Variants in XKR6 observed in about 807,000 individuals in gnomAD.
XKR6 encodes the protein XK-related protein 6.
Under a neutral mutation model 56.7 loss-of-function variants are expected in XKR6, and 22 were observed. That is an observed-to-expected ratio of 0.39 (90% CI 0.28 to 0.55). The LOEUF (loss-of-function observed/expected upper bound fraction) is 0.55. Among genes scored for constraint, XKR6 ranks in the 20% least tolerant of loss-of-function variants. The pLI is 0.66. For missense variants in XKR6, 852 were observed against 889.0 expected, an observed-to-expected ratio of 0.96 and a Z score of 0.53; for synonymous variants, 524 against 387.8, an observed-to-expected ratio of 1.35 and a Z score of -4.13.
chr8:11,129,447 C>A (rs1171340479), intron 1 of XKR6, among the ~76,000 whole-genome samples: 1 of 152,068 alleles, frequency 6.6e-6, no homozygotes, highest in Non-Finnish European at 1.5e-5. Flanking sequence ...TTGAGTGGTT[C>A]ACCCTTGGCT....
chr8:10,995,366 ATATATGATATATG>A (rs1798085968), intron 1 of XKR6, among the ~76,000 whole-genome samples: 1 of 148,456 alleles, frequency 6.7e-6, no homozygotes, highest in Non-Finnish European at 1.5e-5. Context: ...TATATATGTT[ATATATGATATATG>A]TATATGATAT....
intron 1 of XKR6, among the ~76,000 whole-genome samples, chr8:10,989,299 A>C (rs754450100): frequency 6.6e-5 from 10 of 152,268 alleles, no homozygotes; most frequent in Non-Finnish European, 1.2e-4. Flanking sequence ...TACTTTTCTT[A>C]TAATTCCTTT....
intron 1 of XKR6, chr8:11,194,305 G>A (rs934874458): frequency 3.3e-5 from 5 of 152,178 alleles, no homozygotes; most frequent in Non-Finnish European, 7.4e-5. Flanking sequence ...GTAACTTGCA[G>A]AGTGAGAAAC....
chr8:10,974,510 G>A (rs1479267795), intron 1 of XKR6, among the ~76,000 whole-genome samples: 2 of 152,206 alleles, frequency 1.3e-5, no homozygotes, highest in African/African-American at 2.4e-5. Flanking sequence ...CCAGACTCTA[G>A]TTCCCAGGCA....
intron 1 of XKR6, among the ~76,000 whole-genome samples, chr8:10,982,401 T>C (rs1797756299): frequency 6.6e-6 from 1 of 152,230 alleles, no homozygotes; most frequent in Non-Finnish European, 1.5e-5. Context: ...ACATCAGCTC[T>C]CTGGGCTTCA....
At chr8:11,115,285 T>C (rs1231367245) in intron 1 of XKR6, among the ~76,000 whole-genome samples, 1 of 152,220 alleles carries the variant, frequency 6.6e-6, no homozygotes, top group African/African-American at 2.4e-5. Context: ...ATTTGGAGAA[T>C]GCTGGTGGTT....
intron 1 of XKR6, among the ~76,000 whole-genome samples, chr8:11,074,422 G>C (rs1800215442): frequency 2.0e-5 from 3 of 152,208 alleles, no homozygotes; most frequent in African/African-American, 7.2e-5. Context: ...GCCCTGCCCA[G>C]AGCTGATGGA....
At chr8:11,005,414 G>C (rs1273115966) in intron 1 of XKR6, among the ~76,000 whole-genome samples, 3 of 152,124 alleles carry the variant, frequency 2.0e-5, no homozygotes, top group East Asian at 1.9e-4. Context: ...GGAGGGAAGT[G>C]GGATGGGGAG....
intron 1 of XKR6, chr8:11,124,859 T>C (rs1586580056): frequency 6.7e-6 from 1 of 148,450 alleles, no homozygotes; most frequent in South Asian, 2.1e-4. Context: ...CTGAGGCAGG[T>C]GAATCATGAG....
At chr8:11,032,034 C>A (rs1799005035) in intron 1 of XKR6, among the ~76,000 whole-genome samples, 1 of 152,150 alleles carries the variant, frequency 6.6e-6, no homozygotes, top group Non-Finnish European at 1.5e-5. Context: ...TGAGACAGGG[C>A]TCCCAAGACA....
intron 2 of XKR6, among the ~76,000 whole-genome samples, chr8:10,923,171 T>A (rs1173628347): frequency 6.6e-6 from 1 of 152,230 alleles, no homozygotes; most frequent in East Asian, 1.9e-4. Flanking sequence ...CAGCTTATGC[T>A]TCCTGAAGCC....
intron 1 of XKR6, among the ~76,000 whole-genome samples, chr8:11,036,712 T>C (rs530366542): frequency 1.3e-5 from 2 of 152,388 alleles, no homozygotes; most frequent in East Asian, 1.9e-4. Context: ...ATTTTCATTA[T>C]GTTGACGTAA....
At chr8:11,110,376 T>G (rs751340421) in intron 1 of XKR6, among the ~76,000 whole-genome samples, 9 of 152,172 alleles carry the variant, frequency 5.9e-5, no homozygotes, top group Non-Finnish European at 1.3e-4. Flanking sequence ...GGTATTGGGG[T>G]AGACTATTCA....
At chr8:10,945,428 G>A (rs1017502370) in intron 1 of XKR6, among the ~76,000 whole-genome samples, 2 of 152,154 alleles carry the variant, frequency 1.3e-5, no homozygotes, top group South Asian at 2.1e-4. Context: ...AAGTTGGAAT[G>A]AGCCGAGATG....
chr8:11,145,430 T>C (rs1178306502), intron 1 of XKR6, among the ~76,000 whole-genome samples: 4 of 152,116 alleles, frequency 2.6e-5, no homozygotes, highest in African/African-American at 9.7e-5. Context: ...AAGTACATTG[T>C]TATAAAACTT....
chr8:11,035,685 T>A (rs567481852), intron 1 of XKR6, among the ~76,000 whole-genome samples: 96 of 152,196 alleles, frequency 6.3e-4, no homozygotes, highest in Non-Finnish European at 1.2e-3. Flanking sequence ...CTTACATGTG[T>A]ACAGACAGTG....
intron 1 of XKR6, among the ~76,000 whole-genome samples, chr8:11,076,260 T>C (rs1800271551): frequency 6.6e-6 from 1 of 152,206 alleles, no homozygotes; most frequent in African/African-American, 2.4e-5. Flanking sequence ...TGTGGATTTT[T>C]AGTTTTACAC....
chr8:11,134,698 G>A (rs1454644374), intron 1 of XKR6, among the ~76,000 whole-genome samples: 8 of 148,894 alleles, frequency 5.4e-5, no homozygotes, highest in South Asian at 2.1e-4. Flanking sequence ...ATACACACAC[G>A]CACACACACA....
rs183941326 is a variant in XKR6, at chr8:10,941,930, C to G, written c.765-17100G>C. ...AGCAGCCAGGCCTGTGGGCTGCACTCCGACCCCTTTGTGGCCAAGAACTGT... is the reference window on the plus strand; with the variant it reads ...AGCAGCCAGGCCTGTGGGCTGCACTGCGACCCCTTTGTGGCCAAGAACTGT... On this transcript the variant is annotated intron_variant, in intron 1 of 2. Coordinates refer to ENST00000416569, the MANE Select transcript of XKR6 (RefSeq NM_173683.4). Among the ~76,000 whole-genome samples the G allele has an allele frequency of 7.2e-4, 110 of 152,334 alleles. 1 individual carries two copies. The highest frequency in any genetic ancestry group is 2.6e-3 in the African/African-American group (107 of 41,564).
Sources: gnomAD v4.1 joint callset for allele counts (sites outside exome capture counted in the v4.1 genomes callset) on GRCh38, gnomAD v4.1.1 for gene constraint, MANE v1.5 for transcripts, NCBI Gene and HGNC (gene_info 2026-07-23, HGNC 2026-07-21) for gene names.